The following SENP8 variants were observed in gnomAD, a reference collection of about 807,000 sequenced individuals.
SENP8 encodes sentrin-specific protease 8.
In SENP8, 10 loss-of-function variants were observed where a neutral mutation model predicts 14.4. The ratio of observed to expected loss-of-function variants is 0.69; its 90% CI spans 0.43 to 1.18. The LOEUF is 1.18. SENP8 is among the 50% of genes most tolerant of loss of function. The pLI, the probability that SENP8 is intolerant of heterozygous loss-of-function variation, is 0.00. For missense variants in SENP8, 202 were observed against 249.4 expected, an observed-to-expected ratio of 0.81 and a Z score of 1.28; for synonymous variants, 94 against 95.5, an observed-to-expected ratio of 0.98 and a Z score of 0.09.
chr15:72,134,670 T>C (rs2140517931), intron 1 of SENP8: 1 of 208,388 alleles, frequency 4.8e-6, no homozygotes, highest in South Asian at 8.5e-5. Context: ...AGAGGAGAGG[T>C]ATCCAATATA....
intron 1 of SENP8, chr15:72,134,711 T>C: frequency 4.6e-6 from 1 of 218,586 alleles, no homozygotes. Flanking sequence ...AAACATGGAG[T>C]TGTTCCTTTG....
chr15:72,135,355 C>T (rs1022057852), intron 1 of SENP8: 3 of 152,000 alleles, frequency 2.0e-5, no homozygotes, highest in African/African-American at 7.3e-5. Context: ...AGCCACCATG[C>T]CCAGCCTCAG....
chr15:72,142,325 G>C lies in SENP8; in HGVS notation c.*2063G>C, dbSNP rs1281125102. On this transcript the variant is annotated 3_prime_UTR_variant, in exon 2 of 2. Transcript: ENST00000340912. ...TAAATTGCAGGAGAATTTAAGAATT[G>C]ACTTGTATTTCACTGGATACTATAG... is the stretch of plus-strand genomic sequence containing the variant. 2 of 152,094 alleles carry C rather than the reference G, an allele frequency of 1.3e-5. No homozygotes were observed. Among genetic ancestry groups the C allele is most frequent in the Non-Finnish European group, 2.9e-5 (2 of 68,020 alleles). The allele number at this position is 152,094 out of a possible 1,614,324, so 9.4% of individuals were successfully genotyped here. A position where few individuals can be genotyped will look rare whatever the true frequency, so the allele number is the denominator to read the frequency against.
chr15:72,133,681 G>C (rs2081298026), intron 1 of SENP8, among the ~76,000 whole-genome samples: 1 of 152,100 alleles, frequency 6.6e-6, no homozygotes, highest in Non-Finnish European at 1.5e-5. Flanking sequence ...ATCTCCCATA[G>C]CATCTAATAT....
chr15:72,136,422 G>C (rs2081327996), intron 1 of SENP8, among the ~76,000 whole-genome samples: 1 of 151,646 alleles, frequency 6.6e-6, no homozygotes, highest in African/African-American at 2.4e-5. Context: ...TCCAGTTTAT[G>C]TCTCTCCACT....
intron 1 of SENP8, among the ~76,000 whole-genome samples, chr15:72,119,141 A>G (rs1298595459): frequency 6.6e-6 from 1 of 152,228 alleles, no homozygotes; most frequent in Admixed American, 6.5e-5. Flanking sequence ...GCCCTCAGGA[A>G]TGTTTTCTGT....
intron 1 of SENP8, among the ~76,000 whole-genome samples, chr15:72,138,239 C>T (rs1197947267): frequency 6.6e-6 from 1 of 151,964 alleles, no homozygotes; most frequent in Non-Finnish European, 1.5e-5. Context: ...TCTAACTAAT[C>T]GTTTACATGT....
rs1159775340 is a variant in SENP8 at position 72,142,214 on chromosome 15, C to T, written c.*1952C>T. 3 of 151,952 alleles carry T rather than the reference C, an allele frequency of 2.0e-5. No individual in the cohort carries two copies. The highest frequency in any genetic ancestry group is 7.3e-5 in the African/African-American group (3 of 41,340). The allele number at this position is 151,952 out of a possible 1,614,324, so 9.4% of individuals were successfully genotyped here. A position where few individuals can be genotyped will look rare whatever the true frequency, so the allele number is the denominator to read the frequency against. On this transcript the variant is annotated 3_prime_UTR_variant, in exon 2 of 2. Transcript: ENST00000340912. ...ACATATATATAAAAAATGCATTTTC[C>T]AAATGCATTAGCCTGATTGGACTGT...
upstream of SENP8, chr15:72,118,294 T>C (rs2081083491): frequency 3.7e-6 from 1 of 268,384 alleles, no homozygotes; most frequent in Admixed American, 5.4e-5. Flanking sequence ...CCCAAATTTT[T>C]TCTTCTTCAC....
intron 1 of SENP8, among the ~76,000 whole-genome samples, chr15:72,119,278 G>C (rs2081120727): frequency 6.6e-6 from 1 of 152,124 alleles, no homozygotes; most frequent in Admixed American, 6.6e-5. Context: ...GAATCACCTG[G>C]GAAACTTTTT....
chr15:72,139,562 A>G lies in SENP8; in HGVS notation c.-47-15A>G. ...TTACAGTCAGGTATTTATTGACAAT[A>G]ATATTGTCTTCTAGCTCTTGTTCAG... On this transcript the variant is annotated splice_polypyrimidine_tract_variant and intron_variant, in intron 1 of 1. Transcript: ENST00000340912. 6.5e-7 allele frequency: 1 copy of G among 1,548,554 alleles called. No individual in the cohort carries two copies. Among genetic ancestry groups the G allele is most frequent in the Non-Finnish European group, 8.7e-7 (1 of 1,148,780 alleles).
Position 72,142,135 on chromosome 15 carries a change from T to A in SENP8, c.*1873T>A, listed in dbSNP as rs538785353. On this transcript the variant is annotated 3_prime_UTR_variant, in exon 2 of 2. Transcript: ENST00000340912. The stretch of plus-strand genomic sequence containing the variant: ...TTTTAAACTACACTAGTCTTTTAAA[T>A]ATATATAGAAAAATATATATACACA... The A allele has an allele frequency of 6.6e-6, 1 of 152,274 alleles. No individual in the cohort carries two copies. The highest frequency in any genetic ancestry group is 2.1e-4 in the South Asian group (1 of 4,828). The allele number at this position is 152,274 out of a possible 1,614,324, so 9.4% of individuals were successfully genotyped here.
At chr15:72,116,383 ATTTC>A (rs1052857508), upstream of SENP8, among the ~76,000 whole-genome samples, 9 of 152,270 alleles carry the variant, frequency 5.9e-5, no homozygotes, top group Admixed American at 5.9e-4. Flanking sequence ...GCAACATTAC[ATTTC>A]TTTCTTGACA....
At chr15:72,119,124 G>A (rs2081116030) in intron 1 of SENP8, among the ~76,000 whole-genome samples, 2 of 152,184 alleles carry the variant, frequency 1.3e-5, no homozygotes, top group African/African-American at 2.4e-5. Flanking sequence ...TGAGGAACGA[G>A]AATATGGCCC....
intron 1 of SENP8, among the ~76,000 whole-genome samples, chr15:72,121,330 T>A (rs1192723881): frequency 6.6e-6 from 1 of 152,176 alleles, no homozygotes; most frequent in Non-Finnish European, 1.5e-5. Context: ...TAGAATAATG[T>A]GATTAGAGTT....
At chr15:72,122,320 C>T (rs2081175973) in intron 1 of SENP8, among the ~76,000 whole-genome samples, 1 of 150,786 alleles carries the variant, frequency 6.6e-6, no homozygotes, top group Non-Finnish European at 1.5e-5. Context: ...GTCAGAACTC[C>T]TCTCTTTTTG....
chr15:72,123,673 T>A (rs1299610993), intron 1 of SENP8, among the ~76,000 whole-genome samples: 5 of 152,038 alleles, frequency 3.3e-5, no homozygotes, highest in African/African-American at 1.2e-4. Context: ...CCCGAGTAGC[T>A]AGGATTACAG....
At chr15:72,119,376 G>A (rs1037958641) in intron 1 of SENP8, among the ~76,000 whole-genome samples, 7 of 152,202 alleles carry the variant, frequency 4.6e-5, no homozygotes, top group African/African-American at 9.6e-5. Context: ...AAGCTCCACA[G>A]GTGACTCTAA....
upstream of SENP8, chr15:72,118,083 C>T: frequency 2.5e-6 from 1 of 393,550 alleles, no homozygotes; most frequent in Non-Finnish European, 4.5e-6. Flanking sequence ...CGGTCGCGCG[C>T]CCCCGACCCC....
Sources: allele counts gnomAD v4.1 joint callset (sites outside exome capture counted in the v4.1 genomes callset), GRCh38; gene constraint gnomAD v4.1.1; transcripts MANE v1.5; gene names NCBI Gene and HGNC (gene_info 2026-07-23, HGNC 2026-07-21).